APBA1: variants seen among roughly 807,000 people sequenced by gnomAD.
The protein encoded by APBA1 is amyloid-beta A4 precursor protein-binding family A member 1.
In APBA1, 55 loss-of-function variants were observed where a neutral mutation model predicts 86.6. The observed-to-expected ratio is 0.64, with a 90% CI of 0.51 to 0.80. The LOEUF is 0.80. Among genes scored for constraint, APBA1 ranks in the 30% least tolerant of loss-of-function variants. APBA1 has a pLI of 0.00. For missense variants in APBA1, 1,090 were observed against 1,183.0 expected, an observed-to-expected ratio of 0.92 and a Z score of 1.15; for synonymous variants, 511 against 493.9, an observed-to-expected ratio of 1.03 and a Z score of -0.46.
In APBA1 at chr9:69,449,058, C is replaced by T. The variant is rs149908427; in HGVS notation, c.2181+526G>A. On this transcript the variant is annotated intron_variant, in intron 10 of 12. Transcript: ENST00000265381. ...TCCATGGACTGGAAGAGAGTTTCCT[C>T]CTCCTTCTGGCAATGAGCACATGTG... is the stretch of plus-strand genomic sequence containing the variant. Among the ~76,000 whole-genome samples the T allele has an allele frequency of 5.9e-5, 9 of 152,312 alleles. No individual in the cohort carries two copies. The East Asian group carries it at 1.7e-3, about 29-fold the overall frequency.
At chr9:69,636,685 C>G (rs1330870177) in intron 1 of APBA1, among the ~76,000 whole-genome samples, 1 of 151,060 alleles carries the variant, frequency 6.6e-6, no homozygotes, top group East Asian at 2.0e-4. Context: ...TCCCAACTAC[C>G]TGGGAGGCTT....
intron 1 of APBA1, among the ~76,000 whole-genome samples, chr9:69,613,318 C>T (rs890528223): frequency 6.6e-6 from 1 of 152,114 alleles, no homozygotes; most frequent in African/African-American, 2.4e-5. Flanking sequence ...TAAGCTGCAA[C>T]TTATTCCTGT....
At chr9:69,515,975 G>A (rs778940388) in intron 2 of APBA1, 36 bp downstream of exon 2, 87 of 1,481,158 alleles carry the variant, frequency 5.9e-5, no homozygotes, top group Non-Finnish European at 7.2e-5. Flanking sequence ...CTCCCACCGC[G>A]TGGGGCCGAG....
intron 11 of APBA1, among the ~76,000 whole-genome samples, chr9:69,437,130 C>G (rs1299635189): frequency 6.6e-6 from 1 of 151,876 alleles, no homozygotes; most frequent in African/African-American, 2.4e-5. Context: ...ATGAAGCCCA[C>G]TTGATCATGG....
At chr9:69,445,804 G>A (rs1279602156) in intron 10 of APBA1, among the ~76,000 whole-genome samples, 2 of 152,328 alleles carry the variant, frequency 1.3e-5, no homozygotes, top group East Asian at 3.9e-4. Flanking sequence ...TAGTCAACCA[G>A]TATTGAAGTG....
intron 1 of APBA1, among the ~76,000 whole-genome samples, chr9:69,603,100 C>T (rs781153273): frequency 1.8e-4 from 27 of 152,162 alleles, no homozygotes; most frequent in South Asian, 4.1e-4. Flanking sequence ...CAGGGGCAAA[C>T]GGGACAGTTA....
At chr9:69,589,497 G>A (rs1822087252) in intron 1 of APBA1, among the ~76,000 whole-genome samples, 1 of 152,170 alleles carries the variant, frequency 6.6e-6, no homozygotes. Context: ...ACAGAGGGAT[G>A]TGTGCAGTGT....
Position 69,430,860 on chromosome 9 carries a change from C to G in APBA1, c.*467G>C, listed in dbSNP as rs547192404. The G allele has an allele frequency of 6.4e-6, 1 of 155,316 alleles. No individual in the cohort carries two copies. The highest frequency in any genetic ancestry group is 1.4e-5 in the Non-Finnish European group (1 of 69,988). The allele number at this position is 155,316 out of a possible 1,614,324, so 9.6% of individuals were successfully genotyped here. A position where few individuals can be genotyped will look rare whatever the true frequency, so the allele number is the denominator to read the frequency against. On this transcript the variant is annotated 3_prime_UTR_variant, in exon 13 of 13. Coordinates refer to ENST00000265381, the MANE Select transcript of APBA1 (RefSeq NM_001163.4). ...GGCAGGCAGTGCATAACCTTAATGA[C>G]GTGGGCTGGCCCTGGGTACTACCAC...
At chr9:69,434,375 C>T (rs556070724) in intron 11 of APBA1, among the ~76,000 whole-genome samples, 25 of 152,078 alleles carry the variant, frequency 1.6e-4, no homozygotes, top group African/African-American at 5.8e-4. Flanking sequence ...TCCACTCATA[C>T]TCTTTCTTGA....
rs1374450265 is a variant in APBA1, at chr9:69,428,021, A to C, written c.*3306T>G. On this transcript the variant is annotated 3_prime_UTR_variant, in exon 13 of 13. Coordinates refer to ENST00000265381, the MANE Select transcript of APBA1 (RefSeq NM_001163.4). ...TCGAGTTGTGTGCTCAAGTCAACCT[A>C]GGCCAGGGAAGGAGACACATGAAAC... 2 of 152,206 alleles carry C rather than the reference A, an allele frequency of 1.3e-5. No individual in the cohort carries two copies. Among genetic ancestry groups the C allele is most frequent in the Non-Finnish European group, 2.9e-5 (2 of 68,058 alleles). The allele number at this position is 152,206 out of a possible 1,614,324, so 9.4% of individuals were successfully genotyped here.
chr9:69,506,012 C>G lies in APBA1; in HGVS notation c.1200+9999G>C, dbSNP rs1835955501. 4.0e-5 allele frequency among the ~76,000 whole-genome samples: 6 copies of G among 150,202 alleles called. No individual in the cohort carries two copies. In the South Asian group the frequency reaches 8.6e-4, roughly 21 times the overall value. On this transcript the variant is annotated intron_variant, in intron 2 of 12. Transcript: ENST00000265381. ...CCAGCCTGGGCAACAGAGCAAGACTCCATCTAAAAAAAAAGAAAAAGAAGA... is the reference window on the plus strand; with the variant it reads ...CCAGCCTGGGCAACAGAGCAAGACTGCATCTAAAAAAAAAGAAAAAGAAGA...
chr9:69,601,168 A>G (rs375343267), intron 1 of APBA1, among the ~76,000 whole-genome samples: 1 of 152,224 alleles, frequency 6.6e-6, no homozygotes, highest in East Asian at 1.9e-4. Context: ...TTCCAGGAAA[A>G]GTTTCAAACA....
chr9:69,575,686 C>T (rs1445002694), intron 1 of APBA1, among the ~76,000 whole-genome samples: 1 of 152,278 alleles, frequency 6.6e-6, no homozygotes, highest in South Asian at 2.1e-4. Flanking sequence ...CCCTTCCTTA[C>T]ACCTTATACA....
intron 1 of APBA1, among the ~76,000 whole-genome samples, chr9:69,609,848 G>T (rs1372613472): frequency 6.6e-6 from 1 of 152,090 alleles, no homozygotes; most frequent in Non-Finnish European, 1.5e-5. Flanking sequence ...ACCCAGGCTG[G>T]CGTGCAGCGG....
At chr9:69,584,390 T>C (rs929003474) in intron 1 of APBA1, among the ~76,000 whole-genome samples, 2 of 152,218 alleles carry the variant, frequency 1.3e-5, no homozygotes, top group Admixed American at 1.3e-4. Context: ...GCAGTCAACA[T>C]ATCTATCCTC....
At chr9:69,475,577 G>A (rs1268060323) in intron 3 of APBA1, among the ~76,000 whole-genome samples, 2 of 152,166 alleles carry the variant, frequency 1.3e-5, no homozygotes, top group South Asian at 2.1e-4. Context: ...CTATTCTTAC[G>A]AAAGATATCT....
intron 1 of APBA1, among the ~76,000 whole-genome samples, chr9:69,671,550 C>G (rs984030408): frequency 1.8e-4 from 28 of 152,158 alleles, no homozygotes; most frequent in Non-Finnish European, 1.0e-4. Context: ...TAGCCGGTGA[C>G]ATCAAGTAAG....
In APBA1 at chr9:69,431,325, G is replaced by A. The variant is rs377240564; in HGVS notation, c.*2C>T. ...CATGCATGCCACCGCGTGTGGCCGC[G>A]GTCAGATGTAAACAGGCTGCTCCTG... On this transcript the variant is annotated 3_prime_UTR_variant, in exon 13 of 13. Transcript: ENST00000265381. The A allele has an allele frequency of 1.2e-4, 189 of 1,603,242 alleles. No homozygotes were observed. The highest frequency in any genetic ancestry group is 2.3e-4 in the Admixed American group (13 of 57,624).
At chr9:69,445,697 A>G (rs1236353029) in intron 10 of APBA1, among the ~76,000 whole-genome samples, 1 of 152,186 alleles carries the variant, frequency 6.6e-6, no homozygotes, top group Non-Finnish European at 1.5e-5. Flanking sequence ...TGCCTTGGGA[A>G]TTAATTATGA....
Sources: allele counts gnomAD v4.1 joint callset (sites outside exome capture counted in the v4.1 genomes callset), GRCh38; gene constraint gnomAD v4.1.1; transcripts MANE v1.5; gene names NCBI Gene and HGNC (gene_info 2026-07-23, HGNC 2026-07-21).